Variants in WDR27 observed in about 807,000 individuals in gnomAD.
WDR27 encodes the protein WD repeat-containing protein 27.
Under a neutral mutation model 114.4 loss-of-function variants are expected in WDR27, and 100 were observed. That is an observed-to-expected ratio of 0.87 (90% CI 0.74 to 1.03). The LOEUF (loss-of-function observed/expected upper bound fraction) is 1.03. Ranked by LOEUF, WDR27 falls within the 50% of genes least tolerant of loss-of-function variation. The pLI, the probability that WDR27 is intolerant of heterozygous loss-of-function variation, is 0.00. For synonymous variants in WDR27, 449 were observed against 423.1 expected (o/e 1.06, Z -0.75); for missense variants, 1,129 against 1,092.9 (o/e 1.03, Z -0.47).
intron 25 of WDR27, among the ~76,000 whole-genome samples, chr6:169,462,237 G>T (rs1232772473): frequency 2.0e-5 from 3 of 152,080 alleles, no homozygotes; most frequent in Admixed American, 2.0e-4. Flanking sequence ...CTGAGGTCAG[G>T]AGTTTGAGAC....
At chr6:169,573,038 C>T (rs1258393152) in intron 24 of WDR27, among the ~76,000 whole-genome samples, 1 of 152,138 alleles carries the variant, frequency 6.6e-6, no homozygotes. Context: ...CGCCACCCTG[C>T]AGACCTTCCC....
At chr6:169,428,925 G>A in the WDR27 span, among the ~76,000 whole-genome samples, 3 of 152,128 alleles carry the variant, frequency 2.0e-5, no homozygotes, top group Non-Finnish European at 4.4e-5. Flanking sequence ...AGGTGCTCTC[G>A]GCAGCCACGG....
At position 169,701,655 on chromosome 6, in the gene WDR27, G is replaced by T; in HGVS notation, c.-112C>A. 6.0e-6 allele frequency: 1 copy of T among 167,978 alleles called. No individual in the cohort carries two copies. The highest frequency in any genetic ancestry group is 1.9e-4 in the East Asian group (1 of 5,216). 10.4% of individuals were successfully genotyped at this position (167,978 alleles called of 1,614,324 possible). On this transcript the variant is annotated 5_prime_UTR_variant, in exon 1 of 26. Coordinates refer to ENST00000448612, the MANE Select transcript of WDR27 (RefSeq NM_182552.5). ...CCGACTTGTGCCCCGAATTCCCCTGGAGACCCTCGCACTAGCACGGCGTCA... is the reference window on the plus strand; with the variant it reads ...CCGACTTGTGCCCCGAATTCCCCTGTAGACCCTCGCACTAGCACGGCGTCA...
chr6:169,640,571 C>T (rs995645823), intron 17 of WDR27, among the ~76,000 whole-genome samples: 4 of 152,242 alleles, frequency 2.6e-5, no homozygotes, highest in Non-Finnish European at 4.4e-5. Context: ...TTGTGACTGC[C>T]ATTAATAGAC....
At chr6:169,498,822 C>T (rs771441957) in intron 25 of WDR27, among the ~76,000 whole-genome samples, 3 of 152,062 alleles carry the variant, frequency 2.0e-5, no homozygotes, top group African/African-American at 2.4e-5. Flanking sequence ...GTTATGGATG[C>T]GGGTGGGGGA....
chr6:169,469,211 AG>A (rs940735896), intron 25 of WDR27, among the ~76,000 whole-genome samples: 1 of 152,246 alleles, frequency 6.6e-6, no homozygotes, highest in Non-Finnish European at 1.5e-5. Context: ...AACTCATTCC[AG>A]CATCAACTCT....
intron 21 of WDR27, among the ~76,000 whole-genome samples, chr6:169,627,870 T>A (rs1244046458): frequency 2.6e-5 from 4 of 152,130 alleles, no homozygotes; most frequent in African/African-American, 4.8e-5. Context: ...TGAGTCCTCA[T>A]CCATCGAATG....
chr6:169,688,469 T>G (rs1783630952), intron 2 of WDR27, among the ~76,000 whole-genome samples: 1 of 151,470 alleles, frequency 6.6e-6, no homozygotes, highest in Non-Finnish European at 1.5e-5. Context: ...TATGTGGAAC[T>G]TTTTTTTTCT....
At chr6:169,589,272 T>C (rs1805245631) in intron 23 of WDR27, among the ~76,000 whole-genome samples, 1 of 152,216 alleles carries the variant, frequency 6.6e-6, no homozygotes, top group African/African-American at 2.4e-5. Flanking sequence ...AAGTACTTTC[T>C]GGACACTGAC....
intron 24 of WDR27, among the ~76,000 whole-genome samples, chr6:169,582,417 T>C (rs1386049726): frequency 6.6e-6 from 1 of 152,204 alleles, no homozygotes; most frequent in African/African-American, 2.4e-5. Flanking sequence ...TGCTGCAGAC[T>C]TTTTTCCATA....
intron 8 of WDR27, among the ~76,000 whole-genome samples, chr6:169,663,911 C>T (rs1213144767): frequency 9.9e-5 from 15 of 152,230 alleles, no homozygotes; most frequent in Non-Finnish European, 1.9e-4. Flanking sequence ...TGCAAAGCTG[C>T]TGCCTTGGTG....
chr6:169,538,428 G>A (rs954540806), intron 25 of WDR27, among the ~76,000 whole-genome samples: 12 of 152,074 alleles, frequency 7.9e-5, no homozygotes, highest in African/African-American at 2.9e-4. Flanking sequence ...TCAATAACAT[G>A]GAAGCAAAGC....
intron 2 of WDR27, among the ~76,000 whole-genome samples, chr6:169,683,732 T>C (rs1056895138): frequency 1.9e-4 from 29 of 152,060 alleles, no homozygotes; most frequent in Non-Finnish European, 1.6e-4. Flanking sequence ...GACTTCCCCC[T>C]GCAAGGAAAA....
At chr6:169,690,478 C>T (rs1784197469) in intron 1 of WDR27, among the ~76,000 whole-genome samples, 1 of 152,222 alleles carries the variant, frequency 6.6e-6, no homozygotes, top group South Asian at 2.1e-4. Context: ...CTCATCTCTG[C>T]ACCTTGGGAG....
At chr6:169,600,503 A>T (rs1360870649) in intron 23 of WDR27, among the ~76,000 whole-genome samples, 2 of 152,240 alleles carry the variant, frequency 1.3e-5, no homozygotes, top group African/African-American at 4.8e-5. Flanking sequence ...GCTTCGGACG[A>T]TCAAACTACT....
intron 2 of WDR27, among the ~76,000 whole-genome samples, chr6:169,676,766 C>T (rs12525321): frequency 0.059 from 8,939 of 152,240 alleles, 527 homozygotes; most frequent in East Asian, 0.19. Context: ...TCGAATCCAC[C>T]TATGACCTGG....
intron 25 of WDR27, among the ~76,000 whole-genome samples, chr6:169,476,061 C>T (rs552348473): frequency 4.6e-5 from 7 of 152,098 alleles, no homozygotes; most frequent in Non-Finnish European, 8.8e-5. Flanking sequence ...GGGAGAAAAG[C>T]TGAGTGTTGG....
At chr6:169,554,000 T>C (rs901005522) in intron 25 of WDR27, among the ~76,000 whole-genome samples, 2 of 152,382 alleles carry the variant, frequency 1.3e-5, no homozygotes, top group Middle Eastern at 3.4e-3. Context: ...GAAATTATTC[T>C]TTGTAATCTT....
At chr6:169,698,778 T>G (rs1585251269) in intron 1 of WDR27, among the ~76,000 whole-genome samples, 1 of 152,162 alleles carries the variant, frequency 6.6e-6, no homozygotes, top group East Asian at 1.9e-4. Flanking sequence ...CTCCAAAGGC[T>G]GAGGAGAGGG....
Sources: gnomAD v4.1 joint callset for allele counts (sites outside exome capture counted in the v4.1 genomes callset) on GRCh38, gnomAD v4.1.1 for gene constraint, MANE v1.5 for transcripts, NCBI Gene and HGNC (gene_info 2026-07-23, HGNC 2026-07-21) for gene names.